The following PRRC2B variants were observed in gnomAD, a reference collection of about 807,000 sequenced individuals.
PRRC2B encodes the protein protein PRRC2B.
A neutral mutation model predicts 242.3 loss-of-function variants in PRRC2B; 68 were observed. That is an observed-to-expected ratio of 0.28 (90% CI 0.23 to 0.34). The LOEUF (loss-of-function observed/expected upper bound fraction) is 0.34, where lower values mean the gene tolerates loss of function less well. PRRC2B is among the 10% of genes least tolerant of loss of function. The pLI is 1.00. For missense variants in PRRC2B, 2,835 were observed against 2,954.8 expected (o/e 0.96, Z 0.94); for synonymous variants, 1,228 against 1,173.6 (o/e 1.05, Z -0.95).
intron 2 of PRRC2B, among the ~76,000 whole-genome samples, chr9:131,430,952 C>CTT (rs779240208): frequency 1.5e-5 from 2 of 137,608 alleles, no homozygotes; most frequent in Admixed American, 7.3e-5. Context: ...TAGTGTTATC[C>CTT]TTTTTTTTTT....
At chr9:131,400,142 G>T (rs1837189479) in intron 1 of PRRC2B, among the ~76,000 whole-genome samples, 1 of 152,056 alleles carries the variant, frequency 6.6e-6, no homozygotes, top group African/African-American at 2.4e-5. Flanking sequence ...GGAGTGCAGT[G>T]ATGTGATCTC....
rs761986672 is a variant in PRRC2B at position 131,439,073 on chromosome 9, C to T, written c.469+12C>T. On this transcript the variant is annotated intron_variant, in intron 5 of 31. Transcript: ENST00000683519. ...AGGACACGAAGGTGGTAAGTGCGCA[C>T]GTGTGTGTGTTGTTTGGGGACGCTG... The T allele has an allele frequency of 6.8e-6, 11 of 1,611,954 alleles. No individual in the cohort carries two copies. The highest frequency in any genetic ancestry group is 3.3e-5 in the South Asian group (3 of 90,880).
Position 131,430,321 on chromosome 9 carries a change from C to A in PRRC2B, c.115+62C>A, listed in dbSNP as rs542459058. 6 of 1,023,288 alleles carry A rather than the reference C, an allele frequency of 5.9e-6. No individual in the cohort carries two copies. The East Asian group carries it at 1.6e-4, about 27-fold the overall frequency. The allele number at this position is 1,023,288 out of a possible 1,614,324, so 63.4% of individuals were successfully genotyped here. ...TCTCCGAGTGACATATCCCAGAAAC[C>A]CAGAGTCCCTCACCTGGTTAGACAG... On this transcript the variant is annotated intron_variant, in intron 2 of 31. Transcript: ENST00000683519.
intron 1 of PRRC2B, among the ~76,000 whole-genome samples, chr9:131,380,977 G>A (rs946832711): frequency 1.3e-5 from 2 of 151,508 alleles, no homozygotes; most frequent in Admixed American, 1.3e-4. Flanking sequence ...TCTGTGGGTC[G>A]TTGTCTCACT....
Position 131,461,365 on chromosome 9 carries a change from C to G in PRRC2B, c.1404+2009C>G, listed in dbSNP as rs940326800. 2.6e-5 allele frequency among the ~76,000 whole-genome samples: 4 copies of G among 152,124 alleles called. No homozygotes were observed. In the East Asian group the frequency reaches 7.7e-4, roughly 29 times the overall value. ...ATGCCCTCCTCCCCTTGCCTGGGCT[C>G]TAACCATTTGGAGTGCAGTCAGCCG... On this transcript the variant is annotated intron_variant, in intron 11 of 31. Transcript: ENST00000683519.
chr9:131,378,164 C>T (rs1836709568), intron 1 of PRRC2B, among the ~76,000 whole-genome samples: 1 of 152,010 alleles, frequency 6.6e-6, no homozygotes, highest in Non-Finnish European at 1.5e-5. Flanking sequence ...CAAAAATTAG[C>T]CAGGCGTGGT....
intron 3 of PRRC2B, among the ~76,000 whole-genome samples, chr9:131,434,705 A>G (rs368131266): frequency 1.3e-5 from 2 of 152,182 alleles, no homozygotes; most frequent in African/African-American, 4.8e-5. Context: ...ATTTACAGAT[A>G]AGCCACTTGT....
At position 131,464,991 on chromosome 9, in the gene PRRC2B, G is replaced by T. The variant is rs2131423656; in HGVS notation, c.1633G>T (p.Ala545Ser). The change falls in exon 12 of 32, where the codon GCC (alanine) becomes TCC (serine). Residue 545 changes from alanine to serine, a missense_variant. Physicochemically the swap from Ala to Ser is moderately conservative, Grantham distance 99 (BLOSUM62 1). Transcript: ENST00000683519. ...TAAGCAGGCACGAAAGGCAGGTGAGGCCCGGAAGCAGGCAGAGAAGGAAGT... is the reference window on the plus strand; with the variant it reads ...TAAGCAGGCACGAAAGGCAGGTGAGTCCCGGAAGCAGGCAGAGAAGGAAGT... ...KCKQARKAGE[A>S]RKQAEKEVPW... is the part of the protein sequence containing the mutation. The T allele has an allele frequency of 6.2e-7, 1 of 1,613,974 alleles. No individual in the cohort carries two copies. Among genetic ancestry groups the T allele is most frequent in the Non-Finnish European group, 8.5e-7 (1 of 1,179,900 alleles).
intron 1 of PRRC2B, among the ~76,000 whole-genome samples, chr9:131,414,136 A>G (rs976875545): frequency 2.0e-5 from 3 of 152,150 alleles, no homozygotes; most frequent in African/African-American, 7.2e-5. Context: ...ATCAGTAGTC[A>G]CTTAATTTAT....
At chr9:131,478,066 G>GCCAGC in intron 17 of PRRC2B, 117 bp downstream of exon 17, 1 of 862,006 alleles carries the variant, frequency 1.2e-6, no homozygotes, top group Non-Finnish European at 1.8e-6. Context: ...GAACAGCTCG[G>GCCAGC]CCAGGCCCTG....
At chr9:131,395,761 C>A (rs1028421847) in intron 1 of PRRC2B, among the ~76,000 whole-genome samples, 8 of 152,068 alleles carry the variant, frequency 5.3e-5, no homozygotes, top group Non-Finnish European at 4.4e-5. Context: ...CATTAGTGGG[C>A]GCTTATACAG....
chr9:131,459,245 A>G lies in PRRC2B; in HGVS notation c.1293A>G (p.Glu431=), dbSNP rs1312341279. ...DSADAKRTRE[E]GKDWAEAVGA... ...CGGACGCTAAGCGGACTCGAGAGGA[A>G]GGGAAGGACTGGGCTGAAGCAGTGG... Residue 431 remains glutamate, a synonymous_variant, in exon 11 of 32, where the codon GAA becomes GAG. Coordinates refer to ENST00000683519, the MANE Select transcript of PRRC2B (RefSeq NM_013318.4). 1.2e-6 allele frequency: 2 copies of G among 1,613,828 alleles called. No homozygotes were observed. Among genetic ancestry groups the G allele is most frequent in the Non-Finnish European group, 1.7e-6 (2 of 1,179,850 alleles).
At chr9:131,460,285 C>G (rs1330990575) in intron 11 of PRRC2B, among the ~76,000 whole-genome samples, 1 of 152,226 alleles carries the variant, frequency 6.6e-6, no homozygotes, top group Non-Finnish European at 1.5e-5. Flanking sequence ...TCACACACCT[C>G]TAGCCTTCTT....
intron 16 of PRRC2B, 109 bp downstream of exon 16, chr9:131,476,644 C>A: frequency 2.0e-6 from 2 of 982,054 alleles, no homozygotes; most frequent in South Asian, 1.7e-5. Flanking sequence ...TGGGGGCCTG[C>A]CCCCAGGCCG....
At chr9:131,429,789 G>A (rs1247172764) in intron 1 of PRRC2B, among the ~76,000 whole-genome samples, 1 of 152,146 alleles carries the variant, frequency 6.6e-6, no homozygotes, top group Non-Finnish European at 1.5e-5. Flanking sequence ...TTACATGTCA[G>A]TGTGGTTGGT....
chr9:131,454,792 T>C (rs1943021786), intron 9 of PRRC2B, among the ~76,000 whole-genome samples: 1 of 152,130 alleles, frequency 6.6e-6, no homozygotes, highest in African/African-American at 2.4e-5. Flanking sequence ...CACGCCACCA[T>C]GCCCGACTAA....
intron 3 of PRRC2B, among the ~76,000 whole-genome samples, chr9:131,436,360 CT>C (rs1191979172): frequency 2.6e-5 from 4 of 152,124 alleles, no homozygotes; most frequent in African/African-American, 7.2e-5. Context: ...GTGAGACCCC[CT>C]GTCTCAAAAA....
intron 5 of PRRC2B, 124 bp from the exon 6 acceptor site, chr9:131,444,061 T>C: frequency 9.1e-7 from 1 of 1,101,392 alleles, no homozygotes; most frequent in Non-Finnish European, 1.3e-6. Context: ...CAGAGCACCC[T>C]TGTGACAAGA....
intron 10 of PRRC2B, among the ~76,000 whole-genome samples, chr9:131,456,347 A>C (rs1199063546): frequency 6.6e-6 from 1 of 151,326 alleles, no homozygotes; most frequent in African/African-American, 2.4e-5. Flanking sequence ...AATACCCCAC[A>C]ATGGCCAGGC....
Sources: gnomAD v4.1 joint callset for allele counts (sites outside exome capture counted in the v4.1 genomes callset) on GRCh38, gnomAD v4.1.1 for gene constraint, MANE v1.5 for transcripts, NCBI Gene and HGNC (gene_info 2026-07-23, HGNC 2026-07-21) for gene names.